ABAT: variants seen among roughly 807,000 people sequenced by gnomAD.
ABAT encodes 4-aminobutyrate aminotransferase, mitochondrial.
A neutral mutation model predicts 64.6 loss-of-function variants in ABAT; 45 were observed. The ratio of observed to expected loss-of-function variants is 0.70; its 90% CI spans 0.55 to 0.89. ABAT has a LOEUF of 0.89. ABAT is among the 40% of genes least tolerant of loss of function. The probability of loss-of-function intolerance (pLI) is 0.00; values close to 1 mark genes in which losing one functional copy is unlikely to be tolerated. For missense variants in ABAT, 633 were observed against 658.4 expected (o/e 0.96, Z 0.42); for synonymous variants, 297 against 250.5 (o/e 1.19, Z -1.75).
chr16:8,773,263 T>C (rs8060512), intron 12 of ABAT, among the ~76,000 whole-genome samples: 20,218 of 151,956 alleles, frequency 0.13, 2,040 homozygotes, highest in African/African-American at 0.28. Context: ...GTGATTCTCC[T>C]ACCTCAGCCT....
intron 1 of ABAT, among the ~76,000 whole-genome samples, chr16:8,675,845 C>T (rs895656725): frequency 2.6e-5 from 4 of 152,094 alleles, no homozygotes; most frequent in Middle Eastern, 3.2e-3. Flanking sequence ...AGCTGGCCCT[C>T]TTCCAAGAGG....
In ABAT at chr16:8,713,420, A is replaced by AG. The variant is rs369781681; in HGVS notation, c.-41-22279_-41-22278insG. 3.3e-3 allele frequency: 541 copies of AG among 162,540 alleles called. 4 individuals are homozygous for AG. The highest frequency in any genetic ancestry group is 0.012 in the African/African-American group (508 of 41,794). The allele number at this position is 162,540 out of a possible 1,614,324, so 10.1% of individuals were successfully genotyped here. On this transcript the variant is annotated intron_variant, in intron 1 of 15. Transcript: ENST00000268251. ...GGGCTTAAAACATCTTTTAAAAAAAATCTGTATTCTATTTTTTTCTCTCTG... is the reference window on the plus strand; with the variant it reads ...GGGCTTAAAACATCTTTTAAAAAAAAGTCTGTATTCTATTTTTTTCTCTCTG...
At chr16:8,755,648 C>T (rs2059628314) in intron 5 of ABAT, among the ~76,000 whole-genome samples, 1 of 152,190 alleles carries the variant, frequency 6.6e-6, no homozygotes, top group South Asian at 2.1e-4. Flanking sequence ...CGGTGGCTCA[C>T]ACCTGTAATC....
At chr16:8,696,962 G>C (rs369758577) in intron 1 of ABAT, among the ~76,000 whole-genome samples, 12 of 152,342 alleles carry the variant, frequency 7.9e-5, no homozygotes, top group African/African-American at 2.9e-4. Context: ...CTCTCAGCAT[G>C]TAACTTACAT....
At chr16:8,742,154 C>A (rs957701298) in intron 2 of ABAT, among the ~76,000 whole-genome samples, 1 of 152,208 alleles carries the variant, frequency 6.6e-6, no homozygotes, top group Non-Finnish European at 1.5e-5. Context: ...AGTTCTCACC[C>A]TTTCTTCACC....
At chr16:8,756,422 A>T (rs535421473) in intron 5 of ABAT, among the ~76,000 whole-genome samples, 77 of 150,806 alleles carry the variant, frequency 5.1e-4, no homozygotes, top group South Asian at 1.5e-3. Context: ...TCTTCTTTTT[A>T]AAAAAAAGGG....
At chr16:8,772,735 C>A (rs1401149577) in intron 11 of ABAT, 45 bp from the exon 12 acceptor site, 1 of 1,613,608 alleles carries the variant, frequency 6.2e-7, no homozygotes, top group South Asian at 1.1e-5. Flanking sequence ...GGATACTGGT[C>A]ACAAGCCTCT....
At chr16:8,738,006 A>G (rs527335478) in intron 2 of ABAT, among the ~76,000 whole-genome samples, 1 of 121,700 alleles carries the variant, frequency 8.2e-6, no homozygotes, top group Non-Finnish European at 1.7e-5. Flanking sequence ...GAAAGAAAGA[A>G]AGAAAGAAAG....
At chr16:8,768,073 C>A in intron 9 of ABAT, 120 bp from the exon 10 acceptor site, 1 of 1,087,340 alleles carries the variant, frequency 9.2e-7, no homozygotes, top group Non-Finnish European at 1.4e-6. Flanking sequence ...GTAACTTTTG[C>A]CTGAGAAGGA....
chr16:8,679,653 C>T (rs543065887), intron 1 of ABAT, among the ~76,000 whole-genome samples: 49 of 152,144 alleles, frequency 3.2e-4, no homozygotes, highest in African/African-American at 1.1e-3. Flanking sequence ...TAACACGAGC[C>T]CTGGTCTCTC....
chr16:8,767,235 G>C (rs1293078449), intron 9 of ABAT, among the ~76,000 whole-genome samples: 1 of 152,216 alleles, frequency 6.6e-6, no homozygotes, highest in Non-Finnish European at 1.5e-5. Flanking sequence ...CATTTGCTTG[G>C]GGCTGGAAAG....
chr16:8,709,540 A>C (rs547480411), intron 1 of ABAT, among the ~76,000 whole-genome samples: 1 of 152,026 alleles, frequency 6.6e-6, no homozygotes, highest in East Asian at 1.9e-4. Flanking sequence ...TACCCAGCTA[A>C]TTTTTGTATT....
intron 1 of ABAT, among the ~76,000 whole-genome samples, chr16:8,697,636 T>TGTTTG (rs2057732753): frequency 8.9e-6 from 1 of 112,888 alleles, no homozygotes; most frequent in African/African-American, 2.9e-5. Flanking sequence ...TGTTTTTTGT[T>TGTTTG]TTTTGGTTTT....
At chr16:8,690,990 C>T (rs1273357) in intron 1 of ABAT, among the ~76,000 whole-genome samples, 28,991 of 151,746 alleles carry the variant, frequency 0.19, 2,865 homozygotes, top group Admixed American at 0.25. Context: ...GTTTTAGAGC[C>T]TGGGGGAAAT....
intron 11 of ABAT, among the ~76,000 whole-genome samples, chr16:8,771,067 G>A (rs145938214): frequency 0.011 from 1,693 of 152,102 alleles, 42 homozygotes; most frequent in African/African-American, 0.038. Flanking sequence ...AGGTTGAGGC[G>A]GGCAGATCAC....
intron 2 of ABAT, among the ~76,000 whole-genome samples, chr16:8,737,698 G>A (rs1451868846): frequency 6.6e-6 from 1 of 150,468 alleles, no homozygotes; most frequent in African/African-American, 2.4e-5. Flanking sequence ...CGAGGCAGGA[G>A]GATCATCTGA....
chr16:8,715,926 A>G (rs2058204305), intron 1 of ABAT, among the ~76,000 whole-genome samples: 1 of 152,198 alleles, frequency 6.6e-6, no homozygotes, highest in Admixed American at 6.5e-5. Flanking sequence ...AACTAACTCA[A>G]ATAATTCAGA....
At chr16:8,725,711 GT>G (rs770381459) in intron 1 of ABAT, among the ~76,000 whole-genome samples, 1 of 152,126 alleles carries the variant, frequency 6.6e-6, no homozygotes, top group Non-Finnish European at 1.5e-5. Context: ...AGTTCTTTGG[GT>G]TGATGCAAAG....
intron 12 of ABAT, 40 bp from the exon 13 acceptor site, chr16:8,774,850 A>G (rs1413063367): frequency 6.2e-7 from 1 of 1,611,646 alleles, no homozygotes. Flanking sequence ...CTGGCCTCCC[A>G]CGGGTGTTTA....
Sources: gnomAD v4.1 joint callset for allele counts (sites outside exome capture counted in the v4.1 genomes callset) on GRCh38, gnomAD v4.1.1 for gene constraint, MANE v1.5 for transcripts, NCBI Gene and HGNC (gene_info 2026-07-23, HGNC 2026-07-21) for gene names.